LIMD1: variants seen among roughly 807,000 people sequenced by gnomAD.
The protein encoded by LIMD1 is LIM domain containing 1, also known as LIM domain-containing protein 1.
In LIMD1, 23 loss-of-function variants were observed where a neutral mutation model predicts 58.4. The ratio of observed to expected loss-of-function variants is 0.39; its 90% confidence interval spans 0.28 to 0.56. The LOEUF (loss-of-function observed/expected upper bound fraction) is 0.56. Ranked by LOEUF, LIMD1 falls within the 20% of genes least tolerant of loss-of-function variation. The pLI is 0.57. For missense variants in LIMD1, 838 were observed against 855.5 expected (o/e 0.98, Z 0.25); for synonymous variants, 334 against 345.5 (o/e 0.97, Z 0.37).
chr3:45,684,604 A>G lies in LIMD1; in HGVS notation c.*7545A>G, dbSNP rs1042941422. The G allele has an allele frequency of 6.6e-6, 1 of 152,202 alleles. No individual in the cohort carries two copies. The highest frequency in any genetic ancestry group is 1.5e-5 in the Non-Finnish European group (1 of 68,042). The allele number at this position is 152,202 out of a possible 1,614,324, so 9.4% of individuals were successfully genotyped here. A position where few individuals can be genotyped will look rare whatever the true frequency, so the allele number is the denominator to read the frequency against. ...TTCCTGGCGGGAAGCAGACTGATAT[A>G]TAGAGGAGGGGGTTTGAAGAGGTGG... is the stretch of plus-strand genomic sequence containing the variant. On this transcript the variant is annotated 3_prime_UTR_variant, in exon 8 of 8. Transcript: ENST00000273317.
chr3:45,600,715 C>T (rs910884817), intron 1 of LIMD1, among the ~76,000 whole-genome samples: 4 of 152,202 alleles, frequency 2.6e-5, no homozygotes, highest in Non-Finnish European at 4.4e-5. Flanking sequence ...CCCACCGTCT[C>T]CTCCATGTGA....
At chr3:45,650,583 C>A (rs944429392) in intron 2 of LIMD1, among the ~76,000 whole-genome samples, 1 of 144,792 alleles carries the variant, frequency 6.9e-6, no homozygotes, top group South Asian at 2.2e-4. Flanking sequence ...TGAGAACATG[C>A]GGTATTTGGT....
intron 2 of LIMD1, among the ~76,000 whole-genome samples, chr3:45,636,781 A>G (rs987355744): frequency 2.4e-4 from 37 of 152,278 alleles, no homozygotes; most frequent in African/African-American, 8.7e-4. Flanking sequence ...GTGCCTACCT[A>G]GCACACACCT....
At chr3:45,645,276 C>T (rs1250601379) in intron 2 of LIMD1, among the ~76,000 whole-genome samples, 1 of 152,196 alleles carries the variant, frequency 6.6e-6, no homozygotes, top group African/African-American at 2.4e-5. Flanking sequence ...AACCTGGTTT[C>T]CCAGGTCAGA....
intron 2 of LIMD1, among the ~76,000 whole-genome samples, chr3:45,639,766 G>T (rs759374031): frequency 6.6e-6 from 1 of 152,170 alleles, no homozygotes; most frequent in African/African-American, 2.4e-5. Flanking sequence ...GGGTTCAAGC[G>T]ATTCTCCTGC....
intron 1 of LIMD1, among the ~76,000 whole-genome samples, chr3:45,629,528 G>A (rs1701705839): frequency 6.6e-6 from 1 of 152,084 alleles, no homozygotes; most frequent in Non-Finnish European, 1.5e-5. Flanking sequence ...TCTATACCAG[G>A]GACCTAGGTG....
rs1328843137 is a variant in LIMD1, at chr3:45,679,642, C to T, written c.*2583C>T. On this transcript the variant is annotated 3_prime_UTR_variant, in exon 8 of 8. Coordinates refer to ENST00000273317, the MANE Select transcript of LIMD1 (RefSeq NM_014240.3). ...CCGGATTTCAGATCCCAAAGCCAGC[C>T]TCCATCTTAGGCCTTTGCCTCATTG... 6.6e-6 allele frequency: 1 copy of T among 152,206 alleles called. No homozygotes were observed. The allele number at this position is 152,206 out of a possible 1,614,324, so 9.4% of individuals were successfully genotyped here. A position where few individuals can be genotyped will look rare whatever the true frequency, so the allele number is the denominator to read the frequency against.
chr3:45,628,805 T>C (rs1351507904), intron 1 of LIMD1, among the ~76,000 whole-genome samples: 1 of 152,266 alleles, frequency 6.6e-6, no homozygotes, highest in African/African-American at 2.4e-5. Flanking sequence ...TACATTCATA[T>C]GGTGGAATAC....
At chr3:45,673,530 C>T (rs1333494170) in intron 6 of LIMD1, 25 bp downstream of exon 6, 2 of 1,588,302 alleles carry the variant, frequency 1.3e-6, no homozygotes. Context: ...CAGACATGCT[C>T]CCAGGGGCTT....
At chr3:45,672,907 G>C (rs1697611112) in intron 5 of LIMD1, 87 bp downstream of exon 5, 1 of 1,506,058 alleles carries the variant, frequency 6.6e-7, no homozygotes, top group Admixed American at 1.7e-5. Context: ...ACAAAACTGT[G>C]TTTGCCAGCC....
chr3:45,635,785 C>A (rs1022809553), intron 1 of LIMD1: 1 of 421,040 alleles, frequency 2.4e-6, no homozygotes, highest in Non-Finnish European at 3.1e-6. Context: ...AATTTCCCAA[C>A]CTGCATGCTT....
chr3:45,618,261 C>T (rs899488006), intron 1 of LIMD1, among the ~76,000 whole-genome samples: 1 of 152,136 alleles, frequency 6.6e-6, no homozygotes, highest in African/African-American at 2.4e-5. Flanking sequence ...AGATTGCGTG[C>T]GTCATTCATT....
At chr3:45,636,110 G>T (rs201715156) in intron 1 of LIMD1, 40 bp from the exon 2 acceptor site, 1 of 1,609,276 alleles carries the variant, frequency 6.2e-7, no homozygotes, top group East Asian at 2.2e-5. Flanking sequence ...GTTTACACTG[G>T]TTCCCTCCTG....
chr3:45,594,795 AC>A lies in LIMD1; in HGVS notation c.-84del. 1 of 113,326 alleles carries A rather than the reference AC, an allele frequency of 8.8e-6. No individual in the cohort carries two copies. The allele number at this position is 113,326 out of a possible 1,614,324, so 7.0% of individuals were successfully genotyped here. On this transcript the variant is annotated 5_prime_UTR_variant, in exon 1 of 8. Transcript: ENST00000273317. ...CTGCCCTCAACACACACACACACAC[AC>A]ACACACACACACACACACACACACA...
At chr3:45,627,026 C>A (rs1701673934) in intron 1 of LIMD1, among the ~76,000 whole-genome samples, 3 of 151,954 alleles carry the variant, frequency 2.0e-5, no homozygotes, top group African/African-American at 7.3e-5. Flanking sequence ...TTCAAAAATC[C>A]ACTGTGCTCC....
chr3:45,640,909 T>G (rs1256772124), intron 2 of LIMD1, among the ~76,000 whole-genome samples: 3 of 152,254 alleles, frequency 2.0e-5, no homozygotes, highest in Non-Finnish European at 4.4e-5. Context: ...AATGTCCCAC[T>G]TCCTGTCCAG....
intron 1 of LIMD1, among the ~76,000 whole-genome samples, chr3:45,612,208 C>G (rs1162201434): frequency 6.6e-6 from 1 of 152,104 alleles, no homozygotes; most frequent in Non-Finnish European, 1.5e-5. Context: ...TCCCAGCCCC[C>G]CGAATAACTG....
At chr3:45,597,406 A>G (rs1290006567) in intron 1 of LIMD1, among the ~76,000 whole-genome samples, 1 of 152,210 alleles carries the variant, frequency 6.6e-6, no homozygotes, top group Non-Finnish European at 1.5e-5. Context: ...GGCACAAACT[A>G]TGATGGAAAA....
At chr3:45,630,896 C>T (rs999855609) in intron 1 of LIMD1, among the ~76,000 whole-genome samples, 2 of 152,182 alleles carry the variant, frequency 1.3e-5, no homozygotes, top group Non-Finnish European at 2.9e-5. Flanking sequence ...GCAGCAGCTC[C>T]TTCACTGGTT....
Sources: gnomAD v4.1 joint callset for allele counts (sites outside exome capture counted in the v4.1 genomes callset) on GRCh38, gnomAD v4.1.1 for gene constraint, MANE v1.5 for transcripts, NCBI Gene and HGNC (gene_info 2026-07-23, HGNC 2026-07-21) for gene names.